The following KCNIP4 variants were observed in gnomAD, a reference collection of about 807,000 sequenced individuals.
The protein encoded by KCNIP4 is Kv channel-interacting protein 4.
A neutral mutation model predicts 34.0 loss-of-function variants in KCNIP4; 12 were observed. That is an observed-to-expected ratio of 0.35 (90% CI 0.23 to 0.57). The LOEUF is 0.57. Ranked by LOEUF, KCNIP4 falls within the 20% of genes least tolerant of loss-of-function variation. The pLI is 0.83. For missense variants in KCNIP4, 238 were observed against 311.7 expected, an observed-to-expected ratio of 0.76 and a Z score of 1.78; for synonymous variants, 124 against 102.2, an observed-to-expected ratio of 1.21 and a Z score of -1.29.
chr4:20,978,527 T>A (rs1311325289), intron 1 of KCNIP4, among the ~76,000 whole-genome samples: 1 of 152,192 alleles, frequency 6.6e-6, no homozygotes, highest in Non-Finnish European at 1.5e-5. Flanking sequence ...TCCAGGAATT[T>A]CACGTGGTGT....
intron 1 of KCNIP4, among the ~76,000 whole-genome samples, chr4:21,789,811 CT>C (rs561096046): frequency 4.7e-4 from 72 of 152,082 alleles, no homozygotes; most frequent in Non-Finnish European, 8.5e-4. Context: ...TATGTTATTC[CT>C]TCTAGTTAAA....
At chr4:20,773,440 A>G (rs893175074) in intron 3 of KCNIP4, among the ~76,000 whole-genome samples, 5 of 152,108 alleles carry the variant, frequency 3.3e-5, no homozygotes, top group African/African-American at 1.2e-4. Flanking sequence ...TCTCCTCTCC[A>G]TGCCAGGCAA....
At chr4:21,527,366 C>T (rs1443244454) in intron 1 of KCNIP4, among the ~76,000 whole-genome samples, 1 of 152,072 alleles carries the variant, frequency 6.6e-6, no homozygotes, top group African/African-American at 2.4e-5. Flanking sequence ...ACAATTCCTA[C>T]CACATTGAGA....
At chr4:21,688,056 A>C (rs1168226239) in intron 1 of KCNIP4, among the ~76,000 whole-genome samples, 3 of 152,220 alleles carry the variant, frequency 2.0e-5, no homozygotes, top group Non-Finnish European at 2.9e-5. Context: ...TGAACACATT[A>C]AATTACATGG....
intron 1 of KCNIP4, among the ~76,000 whole-genome samples, chr4:21,632,267 G>A (rs762754253): frequency 1.3e-5 from 2 of 152,112 alleles, no homozygotes; most frequent in African/African-American, 4.8e-5. Context: ...AGGCTGGAGT[G>A]CAATGGTGTG....
intron 1 of KCNIP4, among the ~76,000 whole-genome samples, chr4:21,728,773 G>A (rs1715382413): frequency 6.6e-6 from 1 of 152,030 alleles, no homozygotes; most frequent in Admixed American, 6.6e-5. Context: ...CCTCCCCTGG[G>A]GAAGCCCTTC....
intron 1 of KCNIP4, among the ~76,000 whole-genome samples, chr4:21,033,064 A>G (rs989939736): frequency 1.3e-5 from 2 of 152,144 alleles, no homozygotes; most frequent in Admixed American, 1.3e-4. Flanking sequence ...TTAGGAAGAA[A>G]GTGTTCTACT....
chr4:20,748,488 C>G (rs2149332500), intron 5 of KCNIP4, among the ~76,000 whole-genome samples: 1 of 149,598 alleles, frequency 6.7e-6, no homozygotes, highest in South Asian at 2.1e-4. Flanking sequence ...TATCAGAGCT[C>G]TCATCAAAAT....
rs113094986 is a variant in KCNIP4 at position 21,772,705 on chromosome 4, G to T, written c.61+175866C>A. ...TTCTTCTAGATTTTCTAGTTTATTT[G>T]TGTAGAGGTGTTTACATTATTCTCT... On this transcript the variant is annotated intron_variant, in intron 1 of 8. Transcript: ENST00000382152. Among the ~76,000 whole-genome samples, 6 of 152,238 alleles carry T rather than the reference G, an allele frequency of 3.9e-5. No homozygotes were observed. The East Asian group carries it at 1.2e-3, about 29-fold the overall frequency.
At chr4:20,801,129 T>C (rs1400045303) in intron 3 of KCNIP4, among the ~76,000 whole-genome samples, 1 of 152,142 alleles carries the variant, frequency 6.6e-6, no homozygotes, top group Admixed American at 6.5e-5. Context: ...TTGGATGATA[T>C]ATTCAACATG....
chr4:21,049,249 C>T (rs1028238297), intron 1 of KCNIP4, among the ~76,000 whole-genome samples: 1 of 152,096 alleles, frequency 6.6e-6, no homozygotes, highest in African/African-American at 2.4e-5. Flanking sequence ...CGCGCCCGGC[C>T]CAGTACCTTC....
At chr4:20,792,110 A>G (rs1712828672) in intron 3 of KCNIP4, among the ~76,000 whole-genome samples, 2 of 152,352 alleles carry the variant, frequency 1.3e-5, no homozygotes, top group South Asian at 4.1e-4. Flanking sequence ...GCAATGGCTC[A>G]CGCCTATAAT....
chr4:20,943,873 T>C lies in KCNIP4; in HGVS notation c.62-61164A>G, dbSNP rs114668653. Among the ~76,000 whole-genome samples the C allele has an allele frequency of 6.1e-3, 923 of 152,274 alleles. 11 individuals are homozygous for C. The highest frequency in any genetic ancestry group is 0.021 in the African/African-American group (875 of 41,564). ...GACAATTTTGATTTGTAGTCCAATCTAGAATAAAATGTGCAAGGGACATAT... is the reference window on the plus strand; with the variant it reads ...GACAATTTTGATTTGTAGTCCAATCCAGAATAAAATGTGCAAGGGACATAT... On this transcript the variant is annotated intron_variant, in intron 1 of 8. Coordinates refer to ENST00000382152, the MANE Select transcript of KCNIP4 (RefSeq NM_025221.6).
At position 21,250,246 on chromosome 4, in the gene KCNIP4, A is replaced by G. The variant is rs561045566; in HGVS notation, c.62-367537T>C. ...AAAAAAAAAAAGGAAATATACATAT[A>G]TATGCACAAAATTGCTGATAACCAT... On this transcript the variant is annotated intron_variant, in intron 1 of 8. Coordinates refer to ENST00000382152, the MANE Select transcript of KCNIP4 (RefSeq NM_025221.6). Among the ~76,000 whole-genome samples, 242 of 151,460 alleles carry G rather than the reference A, an allele frequency of 1.6e-3. 2 individuals carry two copies. Among genetic ancestry groups the G allele is most frequent in the African/African-American group, 5.4e-3 (221 of 41,266 alleles).
intron 1 of KCNIP4, among the ~76,000 whole-genome samples, chr4:21,155,191 G>A (rs543964802): frequency 2.2e-4 from 33 of 152,184 alleles, no homozygotes; most frequent in Non-Finnish European, 2.8e-4. Flanking sequence ...CCTATTTTGC[G>A]TACCTCCAGA....
intron 1 of KCNIP4, among the ~76,000 whole-genome samples, chr4:21,104,513 G>C (rs1200731678): frequency 6.6e-6 from 1 of 152,106 alleles, no homozygotes; most frequent in Non-Finnish European, 1.5e-5. Context: ...CAGATGAGTA[G>C]ATTGCAAAAA....
rs375309491 is a variant in KCNIP4, at chr4:21,281,087, C to CTT, written c.62-398380_62-398379dup. Among the ~76,000 whole-genome samples the CTT allele has an allele frequency of 5.2e-3, 688 of 133,184 alleles. 10 individuals are homozygous for CTT. The highest frequency in any genetic ancestry group is 0.017 in the African/African-American group (606 of 34,916). The allele number at this position is 133,184 out of a possible 152,430, so 87.4% of individuals were successfully genotyped here. A position where few individuals can be genotyped will look rare whatever the true frequency, so the allele number is the denominator to read the frequency against. ...TTAACAAAAAAAGTTACATTTTCTT[C>CTT]TTTTTTTTTTTTTTTTTGAGATGGA... On this transcript the variant is annotated intron_variant, in intron 1 of 8. Transcript: ENST00000382152.
At chr4:20,910,563 T>C (rs1170184903) in intron 1 of KCNIP4, among the ~76,000 whole-genome samples, 1 of 152,206 alleles carries the variant, frequency 6.6e-6, no homozygotes, top group Non-Finnish European at 1.5e-5. Flanking sequence ...AGAACGAGCC[T>C]AACGGAAATT....
At chr4:21,327,115 AAT>A (rs1378358439) in intron 1 of KCNIP4, among the ~76,000 whole-genome samples, 3 of 152,110 alleles carry the variant, frequency 2.0e-5, no homozygotes, top group African/African-American at 4.8e-5. Flanking sequence ...CTGTGTTCTT[AAT>A]ATGTTTTTCT....
Sources: gnomAD v4.1 joint callset for allele counts (sites outside exome capture counted in the v4.1 genomes callset) on GRCh38, gnomAD v4.1.1 for gene constraint, MANE v1.5 for transcripts, NCBI Gene and HGNC (gene_info 2026-07-23, HGNC 2026-07-21) for gene names.